Variants in GRM8 observed in about 807,000 individuals in gnomAD.
The protein encoded by GRM8 is glutamate metabotropic receptor 8.
In GRM8, 47 loss-of-function variants were observed where a neutral mutation model predicts 87.2. That is an observed-to-expected ratio of 0.54 (90% CI 0.43 to 0.69). The LOEUF is 0.69. Ranked by LOEUF, GRM8 falls within the 30% of genes least tolerant of loss-of-function variation. The pLI, the probability that GRM8 is intolerant of heterozygous loss-of-function variation, is 0.00. For synonymous variants in GRM8, 396 were observed against 404.5 expected (o/e 0.98, Z 0.25); for missense variants, 1,019 against 1,139.2 (o/e 0.89, Z 1.52).
At chr7:126,601,020 C>T (rs932878491) in intron 8 of GRM8, among the ~76,000 whole-genome samples, 24 of 151,326 alleles carry the variant, frequency 1.6e-4, no homozygotes, top group African/African-American at 4.1e-4. Flanking sequence ...CATGCTGGTG[C>T]GCTGCACCCA....
chr7:126,821,117 T>A (rs1794258569), intron 6 of GRM8, among the ~76,000 whole-genome samples: 1 of 152,156 alleles, frequency 6.6e-6, no homozygotes, highest in Non-Finnish European at 1.5e-5. Context: ...CCAACCAGTA[T>A]AAATGACACA....
chr7:126,477,581 GAGAAAGAA>G (rs36192147), intron 9 of GRM8, among the ~76,000 whole-genome samples: 3,502 of 79,012 alleles, frequency 0.044, 81 homozygotes, highest in African/African-American at 0.1. Flanking sequence ...GAAAGAAAGA[GAGAAAGAA>G]AGAAAGAAAG....
intron 7 of GRM8, among the ~76,000 whole-genome samples, chr7:126,665,674 A>G (rs541935732): frequency 5.9e-5 from 9 of 152,292 alleles, no homozygotes; most frequent in Non-Finnish European, 1.2e-4. Flanking sequence ...TGATAGGATC[A>G]TTTACATCAC....
At chr7:127,119,517 T>G (rs7799443) in intron 2 of GRM8, among the ~76,000 whole-genome samples, 3 of 150,920 alleles carry the variant, frequency 2.0e-5, no homozygotes, top group Non-Finnish European at 4.4e-5. Flanking sequence ...CACACACACA[T>G]GCACACACAC....
chr7:127,135,381 G>T (rs1244747710), intron 2 of GRM8, among the ~76,000 whole-genome samples: 4 of 151,852 alleles, frequency 2.6e-5, no homozygotes, highest in African/African-American at 9.7e-5. Flanking sequence ...GGTGGTGTTT[G>T]AGCTATTATA....
At position 126,753,387 on chromosome 7, in the gene GRM8, C is replaced by CATAT. The variant is rs35916735; in HGVS notation, c.1357+16474_1357+16477dup. 4.1e-3 allele frequency among the ~76,000 whole-genome samples: 618 copies of CATAT among 150,008 alleles called. 1 individual carries two copies. Among genetic ancestry groups the CATAT allele is most frequent in the Middle Eastern group, 0.014 (4 of 282 alleles). ...CAGAATATACGCACGCACACACAGG[C>CATAT]ATATATATATATAGATAGATAGACA... On this transcript the variant is annotated intron_variant, in intron 7 of 10. Transcript: ENST00000339582.
intron 2 of GRM8, among the ~76,000 whole-genome samples, chr7:127,128,293 G>A (rs1827483495): frequency 6.6e-6 from 1 of 152,032 alleles, no homozygotes; most frequent in Non-Finnish European, 1.5e-5. Context: ...TCAGTTTGAG[G>A]ATGACACCAA....
intron 3 of GRM8, among the ~76,000 whole-genome samples, chr7:127,077,033 T>C (rs970304915): frequency 6.6e-6 from 1 of 152,136 alleles, no homozygotes; most frequent in African/African-American, 2.4e-5. Flanking sequence ...CCCATATGTA[T>C]GTGCTGTTCT....
intron 9 of GRM8, among the ~76,000 whole-genome samples, chr7:126,482,395 C>T (rs1806797233): frequency 6.6e-6 from 1 of 151,914 alleles, no homozygotes; most frequent in South Asian, 2.1e-4. Context: ...AACCTGGAAA[C>T]AACTTAAGTG....
At chr7:126,850,322 T>C (rs1356306582) in intron 6 of GRM8, among the ~76,000 whole-genome samples, 2 of 152,198 alleles carry the variant, frequency 1.3e-5, no homozygotes, top group Non-Finnish European at 2.9e-5. Flanking sequence ...CCCCTTGTCA[T>C]CTCCCTGTCC....
At chr7:126,688,724 T>C (rs2060458410) in intron 7 of GRM8, among the ~76,000 whole-genome samples, 1 of 136,576 alleles carries the variant, frequency 7.3e-6, no homozygotes, top group Non-Finnish European at 1.5e-5. Flanking sequence ...CCCTATTTTC[T>C]CTCTCTCTCT....
At chr7:126,992,405 G>A (rs1286028738) in intron 3 of GRM8, among the ~76,000 whole-genome samples, 1 of 152,076 alleles carries the variant, frequency 6.6e-6, no homozygotes, top group Non-Finnish European at 1.5e-5. Context: ...TAAGTTAATT[G>A]AGCAAGATTG....
intron 9 of GRM8, among the ~76,000 whole-genome samples, chr7:126,449,779 G>C (rs923187723): frequency 2.0e-5 from 3 of 151,858 alleles, no homozygotes; most frequent in African/African-American, 7.2e-5. Flanking sequence ...AAAAATTCAA[G>C]AGATGCTAGC....
chr7:126,943,025 T>C (rs539904863), intron 3 of GRM8, among the ~76,000 whole-genome samples: 1 of 152,294 alleles, frequency 6.6e-6, no homozygotes, highest in East Asian at 1.9e-4. Flanking sequence ...ACTCAATATG[T>C]CTCAGGTGGG....
intron 8 of GRM8, among the ~76,000 whole-genome samples, chr7:126,600,712 C>G (rs996998381): frequency 6.6e-6 from 1 of 152,076 alleles, no homozygotes; most frequent in African/African-American, 2.4e-5. Context: ...TTAACACTTG[C>G]TCAATGTGTG....
rs1167690152 is a variant in GRM8 at position 126,477,575 on chromosome 7, GAAAGAGAGAAAGAAAGAA to G, written c.2431-31221_2431-31204del. 4.9e-3 allele frequency among the ~76,000 whole-genome samples: 435 copies of G among 89,526 alleles called. 1 individual carries two copies. The highest frequency in any genetic ancestry group is 9.1e-3 in the South Asian group (22 of 2,424). The allele number at this position is 89,526 out of a possible 152,430, so 58.7% of individuals were successfully genotyped here. ...AGGAGAAGTAAGAGAAAGAAAGAAA[GAAAGAGAGAAAGAAAGAA>G]AGAAAGAAAGAAAGAAAGAAAGAAA... On this transcript the variant is annotated intron_variant, in intron 9 of 10. Transcript: ENST00000339582.
At chr7:126,779,539 A>C (rs144855007) in intron 6 of GRM8, among the ~76,000 whole-genome samples, 13 of 152,226 alleles carry the variant, frequency 8.5e-5, no homozygotes, top group Admixed American at 8.5e-4. Context: ...TAGTCATATC[A>C]ATTTTTAAAA....
intron 7 of GRM8, among the ~76,000 whole-genome samples, chr7:126,639,514 C>T (rs140867078): frequency 7.9e-4 from 120 of 152,202 alleles, no homozygotes; most frequent in African/African-American, 2.7e-3. Flanking sequence ...TTTTCAGTCT[C>T]ATTACATTAG....
At chr7:127,029,822 TTAGA>T (rs1817182830) in intron 3 of GRM8, among the ~76,000 whole-genome samples, 1 of 152,052 alleles carries the variant, frequency 6.6e-6, no homozygotes, top group South Asian at 2.1e-4. Context: ...AGCCTCCTTG[TTAGA>T]TAAAGTTCCA....
Sources: allele counts gnomAD v4.1 joint callset (sites outside exome capture counted in the v4.1 genomes callset), GRCh38; gene constraint gnomAD v4.1.1; transcripts MANE v1.5; gene names NCBI Gene and HGNC (gene_info 2026-07-23, HGNC 2026-07-21).